Variants in DCUN1D2 observed in about 807,000 individuals in gnomAD.
The protein encoded by DCUN1D2 is DCN1-like protein 2.
In DCUN1D2, 29 loss-of-function variants were observed where a neutral mutation model predicts 30.9. The ratio of observed to expected loss-of-function variants is 0.94; its 90% confidence interval spans 0.70 to 1.28. The LOEUF (loss-of-function observed/expected upper bound fraction) is 1.28, where lower values mean the gene tolerates loss of function less well. Among genes scored for constraint, DCUN1D2 ranks in the 50% most tolerant of loss-of-function variants. The pLI is 0.00. For missense variants in DCUN1D2, 325 were observed against 316.9 expected, an observed-to-expected ratio of 1.03 and a Z score of -0.19; for synonymous variants, 121 against 115.3, an observed-to-expected ratio of 1.05 and a Z score of -0.32.
In DCUN1D2 at chr13:113,459,340, C is replaced by T. The variant is rs201839676; in HGVS notation, c.672G>A (p.Ala224=). 1.4e-5 allele frequency: 23 copies of T among 1,600,794 alleles called. No individual in the cohort carries two copies. The highest frequency in any genetic ancestry group is 8.9e-5 in the East Asian group (4 of 44,800). Residue 224 remains alanine (A), a synonymous_variant, in exon 6 of 7, where the codon GCG becomes GCA. Coordinates refer to ENST00000478244, the MANE Select transcript of DCUN1D2 (RefSeq NM_001014283.2). The part of the protein sequence containing the change: ...NLLLDFGNMI[A]DDMSNYDEEG... ...CTTCATCGTAGTTAGACATATCATC[C>T]GCAATCATGTTTCCAAAGTCCAGCA... is the stretch of plus-strand genomic sequence containing the variant.
upstream of DCUN1D2, chr13:113,490,750 C>T: frequency 1.7e-6 from 2 of 1,144,392 alleles, no homozygotes; most frequent in Non-Finnish European, 2.2e-6. The surrounding 1 kb of genome is among the most constrained non-coding windows in gnomAD (Gnocchi z 5.2). Flanking sequence ...CCTCGGACGG[C>T]CGCGGCCCTC....
intron 1 of DCUN1D2, among the ~76,000 whole-genome samples, chr13:113,486,169 A>G (rs1384783364): frequency 6.6e-6 from 1 of 152,194 alleles, no homozygotes; most frequent in Non-Finnish European, 1.5e-5. Context: ...CTACATAGCC[A>G]TAAAAAGGAC....
At chr13:113,472,858 GC>G (rs1414121722) in intron 4 of DCUN1D2, among the ~76,000 whole-genome samples, 1 of 152,204 alleles carries the variant, frequency 6.6e-6, no homozygotes, top group African/African-American at 2.4e-5. Flanking sequence ...GCCTTGCACA[GC>G]AGGTACTGTA....
In DCUN1D2 at chr13:113,456,570, C is replaced by A; in HGVS notation, c.*1459G>T. On this transcript the variant is annotated 3_prime_UTR_variant, in exon 7 of 7. Transcript: ENST00000478244. The stretch of plus-strand genomic sequence containing the variant: ...GCTGCAGGGGGGCAGCAAGGCACGC[C>A]TGTGACATGAGAGTCTCGGCACGTG... 5.1e-6 allele frequency: 2 copies of A among 394,666 alleles called. No homozygotes were observed. Among genetic ancestry groups the A allele is most frequent in the Non-Finnish European group, 8.9e-6 (2 of 223,876 alleles). The allele number at this position is 394,666 out of a possible 1,614,324, so 24.4% of individuals were successfully genotyped here. A position where few individuals can be genotyped will look rare whatever the true frequency, so the allele number is the denominator to read the frequency against.
chr13:113,483,821 T>C lies in DCUN1D2; in HGVS notation c.220+19A>G. 1 of 1,608,200 alleles carries C rather than the reference T, an allele frequency of 6.2e-7. No homozygotes were observed. Among genetic ancestry groups the C allele is most frequent in the Middle Eastern group, 2.2e-4 (1 of 4,456 alleles). On this transcript the variant is annotated intron_variant, in intron 2 of 6. Coordinates refer to ENST00000478244, the MANE Select transcript of DCUN1D2 (RefSeq NM_001014283.2). The stretch of plus-strand genomic sequence containing the variant: ...GCGGAGGCCGACATCCGTCCGGCTT[T>C]GCTGCAGTCTCCTCTTACCTTTGTA...
chr13:113,460,940 TC>T (rs2044308484), intron 5 of DCUN1D2, 113 bp downstream of exon 5: 7 of 635,846 alleles, frequency 1.1e-5, no homozygotes, highest in Non-Finnish European at 1.9e-5. Flanking sequence ...TGTGGGATGT[TC>T]ATCTGCTGAA....
intron 4 of DCUN1D2, among the ~76,000 whole-genome samples, chr13:113,469,702 G>A (rs1279807810): frequency 2.0e-5 from 3 of 147,366 alleles, no homozygotes; most frequent in Non-Finnish European, 4.6e-5. Flanking sequence ...AGCCAGGTGT[G>A]GTGGCTCATG....
chr13:113,465,886 G>C (rs939991405), intron 4 of DCUN1D2, among the ~76,000 whole-genome samples: 1 of 151,716 alleles, frequency 6.6e-6, no homozygotes, highest in African/African-American at 2.4e-5. Flanking sequence ...TATATAGATA[G>C]ATAGATAGAT....
At chr13:113,480,116 G>A (rs765654746) in intron 3 of DCUN1D2, among the ~76,000 whole-genome samples, 4 of 152,202 alleles carry the variant, frequency 2.6e-5, no homozygotes, top group Non-Finnish European at 5.9e-5. Context: ...TCTGATAAGC[G>A]AGAAACACCT....
intron 3 of DCUN1D2, chr13:113,479,186 T>G (rs2044666091): frequency 1.3e-5 from 2 of 152,366 alleles, no homozygotes; most frequent in Admixed American, 1.3e-4. Flanking sequence ...TCCTCACTAA[T>G]TTTTCATTGA....
At chr13:113,480,870 C>T in intron 2 of DCUN1D2, 127 bp from the exon 3 acceptor site, 2 of 835,284 alleles carry the variant, frequency 2.4e-6, no homozygotes. Context: ...ATACATCAAT[C>T]AATAGGCTGC....
rs752943005 is a variant in DCUN1D2, at chr13:113,459,320, T to C, written c.692A>G (p.Asp231Gly). 8.3e-6 allele frequency: 13 copies of C among 1,574,814 alleles called. No homozygotes were observed. ...NMIADDMSNYDEEGAWPVLID... is the reference protein window; with the variant it reads ...NMIADDMSNYGEEGAWPVLID... The stretch of plus-strand genomic sequence containing the variant: ...AGCACAACTTCCGGTACCTTCTTCA[T>C]CGTAGTTAGACATATCATCCGCAAT... The change falls in exon 6 of 7, where the codon GAT (aspartate) becomes GGT (glycine). Residue 231 changes from aspartate (D) to glycine (G), a missense_variant. Physicochemically the swap from Asp to Gly is moderately conservative, Grantham distance 94. Coordinates refer to ENST00000478244, the MANE Select transcript of DCUN1D2 (RefSeq NM_001014283.2).
chr13:113,479,761 C>T (rs776463410), intron 3 of DCUN1D2, among the ~76,000 whole-genome samples: 6 of 152,026 alleles, frequency 3.9e-5, no homozygotes, highest in East Asian at 1.9e-4. Context: ...GGAGTACACT[C>T]GAAAATAATA....
intron 4 of DCUN1D2, among the ~76,000 whole-genome samples, chr13:113,470,784 GGACCCAACTCCACAGAA>G (rs1254614404): frequency 2.6e-4 from 38 of 146,530 alleles, no homozygotes; most frequent in Admixed American, 2.2e-3. Flanking sequence ...ACTCCACAAG[GGACCCAACTCCACAGAA>G]GACACAACTC....
rs570855291 is a variant in DCUN1D2, at chr13:113,461,518, T to A, written c.521-382A>T. Among the ~76,000 whole-genome samples, 6 of 152,316 alleles carry A rather than the reference T, an allele frequency of 3.9e-5. No homozygotes were observed. The East Asian group carries it at 1.2e-3, about 29-fold the overall frequency. ...ACTGGCCTGAGTGTCGAACTGCAAA[T>A]CAAAGGACCAGTTTAGGAAGGAAGG... On this transcript the variant is annotated intron_variant, in intron 4 of 6. Coordinates refer to ENST00000478244, the MANE Select transcript of DCUN1D2 (RefSeq NM_001014283.2).
chr13:113,468,998 A>G (rs1422927801), intron 4 of DCUN1D2: 1 of 152,516 alleles, frequency 6.6e-6, no homozygotes, highest in African/African-American at 2.4e-5. Flanking sequence ...GGCAGAGGCC[A>G]CCAACAGGGA....
chr13:113,479,604 T>C (rs2044672455), intron 3 of DCUN1D2, among the ~76,000 whole-genome samples: 1 of 152,168 alleles, frequency 6.6e-6, no homozygotes, highest in Middle Eastern at 3.4e-3. Flanking sequence ...CTACTAAAAA[T>C]ACAAAAATTA....
chr13:113,486,298 C>G (rs1036164570), intron 1 of DCUN1D2, among the ~76,000 whole-genome samples: 1 of 152,134 alleles, frequency 6.6e-6, no homozygotes, highest in Admixed American at 6.5e-5. Context: ...GAGCTGAACA[C>G]TGAGCAGGCG....
intron 2 of DCUN1D2, among the ~76,000 whole-genome samples, chr13:113,481,996 T>C (rs1380086016): frequency 4.0e-5 from 6 of 151,818 alleles, no homozygotes; most frequent in Non-Finnish European, 8.8e-5. Flanking sequence ...GTAAAAAAAA[T>C]CCCCACTTAT....
Sources: allele counts gnomAD v4.1 joint callset (sites outside exome capture counted in the v4.1 genomes callset), GRCh38; gene constraint gnomAD v4.1.1; non-coding constraint Gnocchi (gnomAD v3.1); transcripts MANE v1.5; gene names NCBI Gene and HGNC (gene_info 2026-07-23, HGNC 2026-07-21).